Variants in CETP observed in about 807,000 individuals in gnomAD.
CETP encodes cholesteryl ester transfer protein, also known as BPI fold containing family F.
Under a neutral mutation model 66.5 loss-of-function variants are expected in CETP, and 56 were observed. That is an observed-to-expected ratio of 0.84 (90% CI 0.68 to 1.05). The LOEUF is 1.05. CETP is among the 50% of genes least tolerant of loss of function. CETP has a pLI of 0.00. For synonymous variants in CETP, 251 were observed against 245.7 expected (o/e 1.02, Z -0.20); for missense variants, 612 against 609.6 (o/e 1.00, Z -0.04).
intron 11 of CETP, 58 bp downstream of exon 11, chr16:56,978,313 A>C: frequency 6.2e-7 from 1 of 1,607,380 alleles, no homozygotes; most frequent in Non-Finnish European, 8.5e-7. Context: ...TATGGGCCGC[A>C]GAGGGCAGGG....
Position 56,983,407 on chromosome 16 carries a change from G to A in CETP, c.1403G>A (p.Arg468Gln), listed in dbSNP as rs1800777. 57,161 of 1,613,998 alleles carry A rather than the reference G, an allele frequency of 0.035. 1,371 individuals are homozygous for A. The highest frequency in any genetic ancestry group is 0.092 in the Admixed American group (5,541 of 60,026). The change falls in exon 15 of 16, where the codon CGA becomes CAA. Residue 468 changes from arginine (R) to glutamine (Q), a missense_variant. Transcript: ENST00000200676. ...ATCATCAACCCTGAGATTATCACTC[G>A]AGATGTGAGTACAAAGCCCCCCTCA... ...FDIINPEIIT[R>Q]DGFLLLQMDF...
chr16:56,980,461 T>A (rs1212376633), intron 11 of CETP, among the ~76,000 whole-genome samples: 1 of 152,246 alleles, frequency 6.6e-6, no homozygotes, highest in Non-Finnish European at 1.5e-5. Flanking sequence ...CATGAGCCAC[T>A]GTGCCCAGTT....
chr16:56,979,371 C>T (rs576079027), intron 11 of CETP, among the ~76,000 whole-genome samples: 285 of 152,258 alleles, frequency 1.9e-3, no homozygotes, highest in African/African-American at 6.7e-3. Context: ...AAGATAAATA[C>T]CATACATAGC....
intron 11 of CETP, among the ~76,000 whole-genome samples, chr16:56,980,863 A>C (rs1597007114): frequency 6.6e-6 from 1 of 152,226 alleles, no homozygotes; most frequent in Non-Finnish European, 1.5e-5. Context: ...TGGAGGTTGC[A>C]GTGAGCTGAG....
intron 11 of CETP, among the ~76,000 whole-genome samples, chr16:56,980,625 A>T (rs530648731): frequency 2.0e-5 from 3 of 152,062 alleles, no homozygotes; most frequent in East Asian, 1.9e-4. Flanking sequence ...AGCATTTGTT[A>T]AAAAAAAGAA....
chr16:56,978,188 C>T lies in CETP; in HGVS notation c.1079C>T (p.Ser360Leu), dbSNP rs1351238687. The T allele has an allele frequency of 1.9e-6, 3 of 1,614,140 alleles. No homozygotes were observed. Among genetic ancestry groups the T allele is most frequent in the East Asian group, 2.2e-5 (1 of 44,898 alleles). Residue 360 changes from serine (S) to leucine (L), a missense_variant, in exon 11 of 16, where the codon TCA (serine) becomes TTA (leucine). Transcript: ENST00000200676. The part of the protein sequence containing the change: ...CQNKGVVVNS[S>L]VMVKFLFPRP... ...AACAAGGGAGTCGTGGTCAATTCTT[C>T]AGTGATGGTGAAATTCCTCTTTCCA...
chr16:56,981,601 A>AG (rs1267725677), intron 12 of CETP, 46 bp from the exon 13 acceptor site: 5 of 1,603,848 alleles, frequency 3.1e-6, no homozygotes, highest in Middle Eastern at 3.3e-4. Context: ...ATGTTACAGG[A>AG]GGGGGCCCAA....
chr16:56,966,867 G>A (rs939505565), intron 2 of CETP, among the ~76,000 whole-genome samples: 2 of 150,880 alleles, frequency 1.3e-5, no homozygotes, highest in Non-Finnish European at 2.9e-5. Context: ...CACCTGCCTC[G>A]GCCTTCCAAA....
chr16:56,980,749 C>G (rs1176532866), intron 11 of CETP, among the ~76,000 whole-genome samples: 1 of 151,980 alleles, frequency 6.6e-6, no homozygotes, highest in Admixed American at 6.6e-5. Flanking sequence ...TGATGAAACC[C>G]CATCTCTACT....
At chr16:56,976,903 A>T (rs758608374) in intron 10 of CETP, among the ~76,000 whole-genome samples, 12 of 150,904 alleles carry the variant, frequency 8.0e-5, no homozygotes, top group Non-Finnish European at 1.5e-4. Context: ...TATTTTATTT[A>T]ATTAATTAAT....
intron 11 of CETP, 88 bp downstream of exon 11, chr16:56,978,343 C>G: frequency 6.6e-7 from 1 of 1,507,588 alleles, no homozygotes; most frequent in Non-Finnish European, 9.2e-7. Context: ...TCTCTGAAGC[C>G]TCCAGATCCT....
intron 1 of CETP, chr16:56,962,331 G>C: frequency 1.4e-6 from 1 of 725,662 alleles, no homozygotes; most frequent in South Asian, 1.4e-5. Context: ...AAACAGCCAG[G>C]TATAGGGATT....
Position 56,981,656 on chromosome 16 carries a change from A to G in CETP, c.1224A>G (p.Pro408=), listed in dbSNP as rs1460734709. The G allele has an allele frequency of 3.1e-6, 5 of 1,613,882 alleles. No homozygotes were observed. Among genetic ancestry groups the G allele is most frequent in the African/African-American group, 1.3e-5 (1 of 74,918 alleles). The stretch of plus-strand genomic sequence containing the variant: ...CGCTTTTTTATTTCAGGATTACACC[A>G]AAGACTGTTTCCAACTTGACTGAGG... The part of the protein sequence containing the change: ...FLSLLDFQIT[P]KTVSNLTESS... The change falls in exon 13 of 16, where the codon CCA becomes CCG. Residue 408 remains proline, a synonymous_variant. Transcript: ENST00000200676.
intron 14 of CETP, 26 bp downstream of exon 14, chr16:56,982,263 GGGT>G: frequency 6.2e-7 from 1 of 1,609,212 alleles, no homozygotes; most frequent in Non-Finnish European, 8.5e-7. Flanking sequence ...AGGGGAAACT[GGGT>G]GCCGAGGCTG....
chr16:56,972,484 C>T (rs760805575), intron 8 of CETP, among the ~76,000 whole-genome samples: 47 of 152,208 alleles, frequency 3.1e-4, no homozygotes, highest in Non-Finnish European at 5.6e-4. Flanking sequence ...GCTGCTTAAA[C>T]ACAATAAACA....
Position 56,973,811 on chromosome 16 carries a change from C to T in CETP, c.930+301C>T, listed in dbSNP as rs190412213. Among the ~76,000 whole-genome samples, 206 of 152,352 alleles carry T rather than the reference C, an allele frequency of 1.4e-3. 3 individuals carry two copies. The highest frequency in any genetic ancestry group is 1.6e-3 in the Non-Finnish European group (106 of 68,038). The stretch of plus-strand genomic sequence containing the variant: ...TAAGACTCCTGTCTCAAGAGCGGAG[C>T]TCTCCGAGTGAGCAATTCCTGTCCC... On this transcript the variant is annotated intron_variant, in intron 9 of 15. Coordinates refer to ENST00000200676, the MANE Select transcript of CETP (RefSeq NM_000078.3).
At chr16:56,968,246 C>T (rs544132148) in intron 2 of CETP, among the ~76,000 whole-genome samples, 13 of 151,998 alleles carry the variant, frequency 8.6e-5, no homozygotes, top group South Asian at 4.2e-4. Context: ...AGTGTAATGG[C>T]GCGATCTCAG....
rs149959627 is a variant in CETP, at chr16:56,962,272, C to G, written c.118+175C>G. 5.4e-6 allele frequency: 4 copies of G among 743,384 alleles called. No homozygotes were observed. The African/African-American group carries it at 6.8e-5, about 13-fold the overall frequency. The allele number at this position is 743,384 out of a possible 1,614,324, so 46.0% of individuals were successfully genotyped here. ...GGAGCTGTCATCACCCCCTCCTGAC[C>G]TCGCCTTCAAGGTCAAGTTCTTTGG... On this transcript the variant is annotated intron_variant, in intron 1 of 15. Transcript: ENST00000200676.
intron 11 of CETP, 118 bp from the exon 12 acceptor site, chr16:56,981,040 G>T: frequency 2.5e-6 from 2 of 806,558 alleles, no homozygotes; most frequent in South Asian, 2.7e-5. Flanking sequence ...CCTGGTTCCC[G>T]TGTCATCCTT....
Sources: gnomAD v4.1 joint callset for allele counts (sites outside exome capture counted in the v4.1 genomes callset) on GRCh38, gnomAD v4.1.1 for gene constraint, MANE v1.5 for transcripts, NCBI Gene and HGNC (gene_info 2026-07-23, HGNC 2026-07-21) for gene names.